Variants in WASF2 observed in about 807,000 individuals in gnomAD.
The protein encoded by WASF2 is actin-binding protein WASF2.
In WASF2, 14 loss-of-function variants were observed where a neutral mutation model predicts 45.0. The observed-to-expected ratio is 0.31, with a 90% confidence interval of 0.21 to 0.49. WASF2 has a LOEUF of 0.49. Among genes scored for constraint, WASF2 ranks in the 20% least tolerant of loss-of-function variants. WASF2 has a pLI of 0.99. For missense variants in WASF2, 439 were observed against 636.1 expected (o/e 0.69, Z 3.33); for synonymous variants, 200 against 236.3 (o/e 0.85, Z 1.41).
At chr1:27,435,554 T>C (rs1360434796) in intron 1 of WASF2, among the ~76,000 whole-genome samples, 1 of 142,596 alleles carries the variant, frequency 7.0e-6, no homozygotes. Context: ...GCCACTGCAC[T>C]CCAGTCTAGG....
chr1:27,477,237 T>A (rs1041814485), intron 1 of WASF2, among the ~76,000 whole-genome samples: 4 of 151,508 alleles, frequency 2.6e-5, no homozygotes, highest in African/African-American at 4.8e-5. Context: ...GAGTACAGAT[T>A]TTTTTTAAAT....
intron 1 of WASF2, 26 bp from the exon 2 acceptor site, chr1:27,428,959 T>G: frequency 6.3e-7 from 1 of 1,594,816 alleles, no homozygotes; most frequent in Non-Finnish European, 8.6e-7. Flanking sequence ...CAGGAAAGTA[T>G]TACTCAACCA....
intron 1 of WASF2, among the ~76,000 whole-genome samples, chr1:27,472,148 T>C (rs1175835631): frequency 2.0e-5 from 3 of 151,794 alleles, no homozygotes; most frequent in African/African-American, 4.8e-5. Flanking sequence ...CTGCCCAACA[T>C]GGTGAAACCC....
chr1:27,461,899 T>C (rs918658011), intron 1 of WASF2, among the ~76,000 whole-genome samples: 1 of 152,024 alleles, frequency 6.6e-6, no homozygotes, highest in Non-Finnish European at 1.5e-5. Context: ...TGGGATCAAG[T>C]GATCCTCCCA....
At chr1:27,425,756 G>A (rs1571128789) in intron 2 of WASF2, among the ~76,000 whole-genome samples, 1 of 147,976 alleles carries the variant, frequency 6.8e-6, no homozygotes. Context: ...GGAGAATGGC[G>A]TGAACCTGTG....
intron 8 of WASF2, among the ~76,000 whole-genome samples, chr1:27,409,012 G>A (rs2016717862): frequency 2.0e-5 from 3 of 151,712 alleles, no homozygotes; most frequent in Admixed American, 2.0e-4. Flanking sequence ...TTTTTTCGAA[G>A]GCACAAAACC....
chr1:27,428,631 G>T, intron 2 of WASF2, 130 bp downstream of exon 2: 3 of 1,373,890 alleles, frequency 2.2e-6, no homozygotes, highest in South Asian at 1.3e-5. Flanking sequence ...GGGAGGAGAG[G>T]GAGGATACAT....
intron 1 of WASF2, among the ~76,000 whole-genome samples, chr1:27,487,524 A>G (rs1428275809): frequency 9.1e-6 from 1 of 109,626 alleles, no homozygotes; most frequent in Non-Finnish European, 1.7e-5. Flanking sequence ...TATTATATAT[A>G]TTTTATACAA....
Position 27,418,423 on chromosome 1 carries a change from CTG to C in WASF2, c.266-3_266-2del. 1 of 1,614,208 alleles carries C rather than the reference CTG, an allele frequency of 6.2e-7. No homozygotes were observed. The highest frequency in any genetic ancestry group is 8.5e-7 in the Non-Finnish European group (1 of 1,180,034). ...CGGGTGTTGATTCCTTGCAGTGACA[CTG>C]AGAGAAGATGGAAGGCGTTAGAAAA... On this transcript the variant is annotated splice_acceptor_variant and splice_polypyrimidine_tract_variant and intron_variant, in intron 3 of 8. Transcript: ENST00000618852. LOFTEE classifies it high-confidence loss of function.
At chr1:27,487,817 TAA>T (rs1459383552) in intron 1 of WASF2, among the ~76,000 whole-genome samples, 1 of 142,398 alleles carries the variant, frequency 7.0e-6, no homozygotes, top group Non-Finnish European at 1.5e-5. Context: ...ATTTTATATA[TAA>T]GACCAAATTA....
intron 1 of WASF2, among the ~76,000 whole-genome samples, chr1:27,472,261 G>GTGGT (rs1408038711): frequency 1.3e-5 from 2 of 150,884 alleles, no homozygotes; most frequent in Admixed American, 6.6e-5. Flanking sequence ...GGAGACTGAT[G>GTGGT]TGGTGGTAAG....
At chr1:27,478,757 T>C (rs1041092208) in intron 1 of WASF2, among the ~76,000 whole-genome samples, 48 of 151,998 alleles carry the variant, frequency 3.2e-4, no homozygotes, top group African/African-American at 1.1e-3. Flanking sequence ...TAATTTTTTG[T>C]ATTTTTAGTA....
intron 1 of WASF2, among the ~76,000 whole-genome samples, chr1:27,473,934 A>G (rs1246893573): frequency 6.6e-6 from 1 of 152,216 alleles, no homozygotes; most frequent in African/African-American, 2.4e-5. Flanking sequence ...ACACTCACTC[A>G]GACTGGGACC....
intron 1 of WASF2, among the ~76,000 whole-genome samples, chr1:27,473,454 C>T (rs1383896498): frequency 8.6e-5 from 10 of 116,470 alleles, no homozygotes; most frequent in Non-Finnish European, 1.4e-4. Context: ...GACTCCATGG[C>T]CAAAAAAAAA....
chr1:27,421,319 G>T (rs1478630453), intron 2 of WASF2, among the ~76,000 whole-genome samples: 2 of 152,200 alleles, frequency 1.3e-5, no homozygotes, highest in Non-Finnish European at 2.9e-5. Flanking sequence ...GTGTTTGGAA[G>T]GCTGAAACAG....
Position 27,472,444 on chromosome 1 carries a change from G to C in WASF2, c.-44+17542C>G, listed in dbSNP as rs137956904. 8.2e-3 allele frequency among the ~76,000 whole-genome samples: 1,242 copies of C among 151,042 alleles called. 12 individuals are homozygous for C. Among genetic ancestry groups the C allele is most frequent in the African/African-American group, 0.028 (1,167 of 41,128 alleles). On this transcript the variant is annotated intron_variant, in intron 1 of 8. Transcript: ENST00000618852. ...AGCTCAGGAGTTCAGGACCAGCCTG[G>C]GCAACATGGTGAAATCCCATCTCTA...
intron 2 of WASF2, among the ~76,000 whole-genome samples, chr1:27,428,136 G>A (rs1341175592): frequency 1.3e-5 from 2 of 152,138 alleles, no homozygotes; most frequent in South Asian, 2.1e-4. Flanking sequence ...TTGTGTCACT[G>A]TATGTTCACA....
At chr1:27,482,842 C>G (rs1321973039) in intron 1 of WASF2, among the ~76,000 whole-genome samples, 1 of 152,168 alleles carries the variant, frequency 6.6e-6, no homozygotes, top group Non-Finnish European at 1.5e-5. Context: ...TGCTCCACCA[C>G]TCCTACCCCT....
At chr1:27,468,304 T>C (rs1349027966) in intron 1 of WASF2, among the ~76,000 whole-genome samples, 1 of 151,980 alleles carries the variant, frequency 6.6e-6, no homozygotes, top group African/African-American at 2.4e-5. Context: ...CACAACTTTG[T>C]TTCTTTAACA....
Sources: allele counts gnomAD v4.1 joint callset (sites outside exome capture counted in the v4.1 genomes callset), GRCh38; gene constraint gnomAD v4.1.1; transcripts MANE v1.5; gene names NCBI Gene and HGNC (gene_info 2026-07-23, HGNC 2026-07-21).